TBC1D2B: variants seen among roughly 807,000 people sequenced by gnomAD.
The protein encoded by TBC1D2B is TBC1 domain family member 2B.
In TBC1D2B, 64 loss-of-function variants were observed where a neutral mutation model predicts 100.8. The ratio of observed to expected loss-of-function variants is 0.64; its 90% CI spans 0.52 to 0.78. The LOEUF (loss-of-function observed/expected upper bound fraction) is 0.78. Ranked by LOEUF, TBC1D2B falls within the 30% of genes least tolerant of loss-of-function variation. The pLI is 0.00. For missense variants in TBC1D2B, 1,052 were observed against 1,218.4 expected, an observed-to-expected ratio of 0.86 and a Z score of 2.03; for synonymous variants, 480 against 479.7, an observed-to-expected ratio of 1.00 and a Z score of -0.01.
intron 12 of TBC1D2B, among the ~76,000 whole-genome samples, chr15:77,999,776 C>T (rs986841871): frequency 7.2e-5 from 11 of 152,218 alleles, no homozygotes; most frequent in South Asian, 4.1e-4. Context: ...AGAGGCCCCT[C>T]GGCCCAGGCT....
intron 5 of TBC1D2B, 101 bp from the exon 6 acceptor site, chr15:78,024,640 G>A (rs2072611907): frequency 2.7e-6 from 3 of 1,131,202 alleles, no homozygotes; most frequent in South Asian, 1.7e-5. Flanking sequence ...AGAGTTTGAG[G>A]AAATGTAGAA....
intron 1 of TBC1D2B, among the ~76,000 whole-genome samples, chr15:78,063,576 A>C (rs1349578327): frequency 6.6e-6 from 1 of 152,212 alleles, no homozygotes; most frequent in African/African-American, 2.4e-5. Context: ...TCTGGACATT[A>C]AATCTAGAGG....
intron 2 of TBC1D2B, among the ~76,000 whole-genome samples, chr15:78,051,252 A>G (rs1289529401): frequency 6.6e-6 from 1 of 152,234 alleles, no homozygotes; most frequent in Non-Finnish European, 1.5e-5. Context: ...TCAAAATGAT[A>G]TCATCTCATA....
At chr15:78,010,544 G>C (rs139875642) in intron 9 of TBC1D2B, among the ~76,000 whole-genome samples, 2 of 152,214 alleles carry the variant, frequency 1.3e-5, no homozygotes, top group East Asian at 1.9e-4. Context: ...CAAGTATGCA[G>C]GGATGGGATG....
intron 3 of TBC1D2B, chr15:78,034,756 T>G (rs1381172089): frequency 3.0e-6 from 3 of 985,098 alleles, no homozygotes; most frequent in African/African-American, 1.7e-5. Context: ...AAGAGAGAAA[T>G]GGAATCAGGC....
At chr15:78,017,543 C>T (rs555891568) in intron 7 of TBC1D2B, among the ~76,000 whole-genome samples, 8 of 152,268 alleles carry the variant, frequency 5.3e-5, no homozygotes, top group Admixed American at 4.6e-4. Flanking sequence ...ACAAAGAAAG[C>T]AATACCTTAT....
intron 4 of TBC1D2B, among the ~76,000 whole-genome samples, chr15:78,028,470 CAATAAATAA>C (rs2072728334): frequency 6.6e-6 from 1 of 152,066 alleles, no homozygotes; most frequent in Admixed American, 6.5e-5. Flanking sequence ...GACTCCGTCT[CAATAAATAA>C]AATAAATAAA....
chr15:78,030,307 C>CT, intron 3 of TBC1D2B, 137 bp from the exon 4 acceptor site: 4 of 757,350 alleles, frequency 5.3e-6, no homozygotes, highest in East Asian at 3.1e-5. Flanking sequence ...ATGGGGATTC[C>CT]CTTTTTTTTT....
At chr15:78,073,914 A>G (rs1362997663) in intron 1 of TBC1D2B, among the ~76,000 whole-genome samples, 2 of 150,310 alleles carry the variant, frequency 1.3e-5, no homozygotes, top group African/African-American at 4.9e-5. Context: ...GGTTGCAGTT[A>G]GCAGAGACTG....
At chr15:78,051,536 G>A (rs918010422) in intron 2 of TBC1D2B, among the ~76,000 whole-genome samples, 1 of 152,150 alleles carries the variant, frequency 6.6e-6, no homozygotes, top group African/African-American at 2.4e-5. Flanking sequence ...AGTGCAAAAC[G>A]TTAATCCCCT....
At chr15:78,052,425 A>C (rs2073332788) in intron 2 of TBC1D2B, among the ~76,000 whole-genome samples, 1 of 152,104 alleles carries the variant, frequency 6.6e-6, no homozygotes, top group Admixed American at 6.5e-5. Context: ...TTGAGTGCCG[A>C]CTTTGCTGAA....
At chr15:78,024,589 G>T in intron 5 of TBC1D2B, 50 bp from the exon 6 acceptor site, 1 of 1,510,326 alleles carries the variant, frequency 6.6e-7, no homozygotes, top group South Asian at 1.3e-5. Flanking sequence ...GCAAGGAGAG[G>T]AGGAAAAGCA....
intron 2 of TBC1D2B, among the ~76,000 whole-genome samples, chr15:78,045,683 T>G (rs987473127): frequency 6.6e-6 from 1 of 152,212 alleles, no homozygotes; most frequent in Non-Finnish European, 1.5e-5. Context: ...GTGGAAATGA[T>G]ATGATGGTCA....
intron 4 of TBC1D2B, among the ~76,000 whole-genome samples, chr15:78,028,731 C>T (rs1046075749): frequency 2.6e-5 from 4 of 152,120 alleles, no homozygotes; most frequent in African/African-American, 7.2e-5. Context: ...TCTAACTGCC[C>T]GTATACAGGA....
chr15:78,030,835 C>T (rs556767917), intron 3 of TBC1D2B, among the ~76,000 whole-genome samples: 45 of 152,308 alleles, frequency 3.0e-4, no homozygotes, highest in Non-Finnish European at 6.0e-4. Flanking sequence ...CCTAAACATT[C>T]ATGAACAGGA....
intron 6 of TBC1D2B, among the ~76,000 whole-genome samples, chr15:78,018,359 G>A (rs2072429338): frequency 1.3e-5 from 2 of 151,878 alleles, no homozygotes; most frequent in Non-Finnish European, 2.9e-5. Context: ...CATATTTTCT[G>A]AAGGTTCTCA....
At chr15:78,036,334 G>C (rs531329414) in intron 3 of TBC1D2B, among the ~76,000 whole-genome samples, 1 of 152,204 alleles carries the variant, frequency 6.6e-6, no homozygotes, top group East Asian at 1.9e-4. Flanking sequence ...TGGCAGGCCT[G>C]CAAGCCAGGT....
At chr15:78,020,275 C>T (rs1160814353) in intron 6 of TBC1D2B, among the ~76,000 whole-genome samples, 3 of 152,326 alleles carry the variant, frequency 2.0e-5, no homozygotes, top group Non-Finnish European at 4.4e-5. Flanking sequence ...GAAGAAAGCA[C>T]TCAACAGTGA....
At chr15:78,020,808 G>C (rs984303125) in intron 6 of TBC1D2B, among the ~76,000 whole-genome samples, 4 of 152,218 alleles carry the variant, frequency 2.6e-5, no homozygotes, top group African/African-American at 4.8e-5. Context: ...CAGAGTAAAA[G>C]GGTGGGCACA....
Sources: gnomAD v4.1 joint callset for allele counts (sites outside exome capture counted in the v4.1 genomes callset) on GRCh38, gnomAD v4.1.1 for gene constraint, MANE v1.5 for transcripts, NCBI Gene and HGNC (gene_info 2026-07-23, HGNC 2026-07-21) for gene names.